Variants in NUDCD1 observed in about 807,000 individuals in gnomAD.
NUDCD1 encodes the protein nudC domain-containing protein 1.
In NUDCD1, 60 loss-of-function variants were observed where a neutral mutation model predicts 67.8. The ratio of observed to expected loss-of-function variants is 0.88; its 90% CI spans 0.72 to 1.10. NUDCD1 has a LOEUF of 1.10. Ranked by LOEUF, NUDCD1 falls within the 50% of genes least tolerant of loss-of-function variation. The pLI, the probability that NUDCD1 is intolerant of heterozygous loss-of-function variation, is 0.00. For missense variants in NUDCD1, 643 were observed against 695.0 expected (o/e 0.93, Z 0.84); for synonymous variants, 244 against 230.8 (o/e 1.06, Z -0.52).
At chr8:109,255,509 T>C (rs1333162929) in intron 8 of NUDCD1, among the ~76,000 whole-genome samples, 2 of 152,104 alleles carry the variant, frequency 1.3e-5, no homozygotes, top group Non-Finnish European at 2.9e-5. Flanking sequence ...TACTTAGAAA[T>C]ATTTTTTAAA....
intron 6 of NUDCD1, among the ~76,000 whole-genome samples, chr8:109,279,920 C>T (rs1814392548): frequency 6.6e-6 from 1 of 152,228 alleles, no homozygotes; most frequent in South Asian, 2.1e-4. Flanking sequence ...GCATGAGCCA[C>T]TGTGCCTGGC....
intron 2 of NUDCD1, among the ~76,000 whole-genome samples, chr8:109,301,369 AATG>A (rs780411377): frequency 3.9e-5 from 6 of 152,166 alleles, no homozygotes; most frequent in Non-Finnish European, 8.8e-5. Context: ...CTTAAGAACT[AATG>A]ATAATCCCAC....
At position 109,324,245 on chromosome 8, in the gene NUDCD1, A is replaced by G. The variant is rs371235939; in HGVS notation, c.119-1782T>C. Among the ~76,000 whole-genome samples, 417 of 152,168 alleles carry G rather than the reference A, an allele frequency of 2.7e-3. 3 individuals carry two copies. The highest frequency in any genetic ancestry group is 9.5e-3 in the African/African-American group (393 of 41,554). On this transcript the variant is annotated intron_variant, in intron 1 of 9. Coordinates refer to ENST00000239690, the MANE Select transcript of NUDCD1 (RefSeq NM_032869.4). The stretch of plus-strand genomic sequence containing the variant: ...CATTATAAAGAGGGCAAAGATCTTA[A>G]TAGACATTTCTCAAAAGAATATATA...
chr8:109,255,436 T>C (rs982207959), intron 8 of NUDCD1, among the ~76,000 whole-genome samples: 4 of 152,178 alleles, frequency 2.6e-5, no homozygotes, highest in African/African-American at 9.7e-5. Context: ...CTTAGCTAAG[T>C]GGTATAAAAT....
intron 2 of NUDCD1, among the ~76,000 whole-genome samples, chr8:109,308,453 G>T (rs971264407): frequency 6.6e-6 from 1 of 151,926 alleles, no homozygotes; most frequent in African/African-American, 2.4e-5. Context: ...CCCAAAACCA[G>T]CAGAAGAAAG....
chr8:109,332,520 C>T (rs898280297), intron 1 of NUDCD1, among the ~76,000 whole-genome samples: 4 of 152,128 alleles, frequency 2.6e-5, no homozygotes, highest in African/African-American at 7.2e-5. Context: ...TGAGACCCTA[C>T]CCCCACCCTC....
chr8:109,315,932 A>G (rs1231083545), intron 2 of NUDCD1: 2 of 152,160 alleles, frequency 1.3e-5, no homozygotes, highest in East Asian at 3.9e-4. Context: ...AATAGTTGTA[A>G]CATGTCACTC....
chr8:109,274,972 A>G (rs898872067), intron 7 of NUDCD1, among the ~76,000 whole-genome samples: 12 of 152,148 alleles, frequency 7.9e-5, no homozygotes, highest in Admixed American at 2.6e-4. Flanking sequence ...GCAAAATTGT[A>G]AACTCACCTC....
At chr8:109,333,087 C>T (rs1053056006) in intron 1 of NUDCD1, among the ~76,000 whole-genome samples, 1 of 152,162 alleles carries the variant, frequency 6.6e-6, no homozygotes, top group Non-Finnish European at 1.5e-5. Context: ...AACAGGTACT[C>T]GGTAAATATT....
chr8:109,304,099 C>T (rs1815050930), intron 2 of NUDCD1, among the ~76,000 whole-genome samples: 2 of 152,126 alleles, frequency 1.3e-5, no homozygotes, highest in South Asian at 2.1e-4. Context: ...CCTTAAAAAA[C>T]AGCCCTAAAA....
chr8:109,329,402 C>T (rs1475988112), intron 1 of NUDCD1, among the ~76,000 whole-genome samples: 2 of 152,048 alleles, frequency 1.3e-5, no homozygotes, highest in East Asian at 1.9e-4. Context: ...ATAAAGAAAA[C>T]CACAGCTGGC....
At chr8:109,329,898 T>G in intron 1 of NUDCD1, 1 of 1,542,260 alleles carries the variant, frequency 6.5e-7, no homozygotes, top group Non-Finnish European at 8.8e-7. Flanking sequence ...GAAAACATAC[T>G]GGATGCTACG....
At chr8:109,251,528 C>A (rs186944722) in intron 8 of NUDCD1, among the ~76,000 whole-genome samples, 31 of 152,196 alleles carry the variant, frequency 2.0e-4, no homozygotes, top group Admixed American at 6.5e-5. Flanking sequence ...AAAATTTGTT[C>A]CATATAAATT....
chr8:109,268,699 C>T (rs1029193085), intron 8 of NUDCD1, among the ~76,000 whole-genome samples: 4 of 152,080 alleles, frequency 2.6e-5, no homozygotes, highest in African/African-American at 9.7e-5. Context: ...AAAACTATAA[C>T]GTTAAGAAGA....
rs911723946 is a variant in NUDCD1 at position 109,268,189 on chromosome 8, C to T, written c.1299+2816G>A. 1.8e-4 allele frequency among the ~76,000 whole-genome samples: 27 copies of T among 152,134 alleles called. 1 individual carries two copies. Among genetic ancestry groups the T allele is most frequent in the African/African-American group, 6.5e-4 (27 of 41,410 alleles). On this transcript the variant is annotated intron_variant, in intron 8 of 9. Transcript: ENST00000239690. ...TGAGAAGATCCACTGCTATAACATT[C>T]TAGCTTTTATAAATTCCTGAGGAGT...
intron 2 of NUDCD1, among the ~76,000 whole-genome samples, chr8:109,299,963 C>T (rs1814943685): frequency 6.6e-6 from 1 of 152,144 alleles, no homozygotes. Flanking sequence ...AGCCTGGAGC[C>T]TGGTAGACTT....
intron 8 of NUDCD1, among the ~76,000 whole-genome samples, chr8:109,255,682 A>T (rs1470912623): frequency 6.6e-6 from 1 of 151,822 alleles, no homozygotes; most frequent in Non-Finnish European, 1.5e-5. Flanking sequence ...CACACAGAAA[A>T]AAAAAAAAAA....
intron 1 of NUDCD1, 120 bp downstream of exon 1, chr8:109,333,773 C>A: frequency 6.3e-6 from 7 of 1,115,222 alleles, no homozygotes; most frequent in Non-Finnish European, 9.1e-6. Flanking sequence ...CGTGAGTCCA[C>A]GCAAGCCGCC....
intron 2 of NUDCD1, among the ~76,000 whole-genome samples, chr8:109,318,594 T>C (rs115143990): frequency 1.0e-4 from 15 of 147,360 alleles, no homozygotes; most frequent in African/African-American, 3.7e-4. Context: ...GCAACTAATA[T>C]CTAAGAGTAA....
Sources: allele counts gnomAD v4.1 joint callset (sites outside exome capture counted in the v4.1 genomes callset), GRCh38; gene constraint gnomAD v4.1.1; transcripts MANE v1.5; gene names NCBI Gene and HGNC (gene_info 2026-07-23, HGNC 2026-07-21).